The following FGD4 variants were observed in gnomAD, a reference collection of about 807,000 sequenced individuals.
The protein encoded by FGD4 is FYVE, RhoGEF and PH domain-containing protein 4.
In FGD4, 42 loss-of-function variants were observed where a neutral mutation model predicts 102.0. The ratio of observed to expected loss-of-function variants is 0.41; its 90% confidence interval spans 0.32 to 0.53. FGD4 has a LOEUF of 0.53. Among genes scored for constraint, FGD4 ranks in the 20% least tolerant of loss-of-function variants. The probability of loss-of-function intolerance (pLI) is 0.21; values close to 1 mark genes in which losing one functional copy is unlikely to be tolerated. For synonymous variants in FGD4, 380 were observed against 375.7 expected (o/e 1.01, Z -0.13); for missense variants, 902 against 1,078.2 (o/e 0.84, Z 2.29).
At chr12:32,437,722 T>C (rs1591899965) in intron 1 of FGD4, among the ~76,000 whole-genome samples, 1 of 135,104 alleles carries the variant, frequency 7.4e-6, no homozygotes, top group African/African-American at 3.9e-5. Context: ...AAAAGCAAAA[T>C]TTTTTCTAGA....
At chr12:32,586,044 T>C (rs1947005079) in intron 4 of FGD4, among the ~76,000 whole-genome samples, 1 of 151,864 alleles carries the variant, frequency 6.6e-6, no homozygotes. Context: ...AGATGCTGCA[T>C]TTGGAGGAAT....
intron 1 of FGD4, among the ~76,000 whole-genome samples, chr12:32,541,395 T>G (rs1942816691): frequency 6.6e-6 from 1 of 152,136 alleles, no homozygotes; most frequent in Non-Finnish European, 1.5e-5. Flanking sequence ...TGAGACAGAG[T>G]CTCACTCTGT....
At chr12:32,638,267 A>G (rs570739901) in intron 15 of FGD4, among the ~76,000 whole-genome samples, 14 of 152,346 alleles carry the variant, frequency 9.2e-5, no homozygotes, top group African/African-American at 3.4e-4. Flanking sequence ...CAGACTCTGG[A>G]TTCAGACTCT....
chr12:32,413,087 T>A (rs902334895), intron 1 of FGD4, among the ~76,000 whole-genome samples: 7 of 150,690 alleles, frequency 4.6e-5, no homozygotes, highest in Non-Finnish European at 8.9e-5. Context: ...CAAAAAAAAA[T>A]TTTTTTTAAA....
intron 10 of FGD4, among the ~76,000 whole-genome samples, chr12:32,613,142 A>G (rs1201193117): frequency 6.6e-6 from 1 of 152,232 alleles, no homozygotes; most frequent in South Asian, 2.1e-4. Context: ...ACTGGCATAC[A>G]GTACGTTCTT....
chr12:32,509,426 G>A (rs1034578178), intron 1 of FGD4, among the ~76,000 whole-genome samples: 1 of 151,484 alleles, frequency 6.6e-6, no homozygotes, highest in African/African-American at 2.4e-5. Flanking sequence ...GAACATAAAT[G>A]GTTCAAAAAG....
At position 32,530,941 on chromosome 12, in the gene FGD4, GTTTTTTTTTTTT is replaced by G. The variant is rs768536136; in HGVS notation, c.167-33178_167-33167del. Among the ~76,000 whole-genome samples the G allele has an allele frequency of 1.4e-4, 10 of 70,478 alleles. 1 individual carries two copies. The highest frequency in any genetic ancestry group is 5.7e-4 in the South Asian group (1 of 1,752). 46.2% of individuals were successfully genotyped at this position (70,478 alleles called of 152,430 possible). A position where few individuals can be genotyped will look rare whatever the true frequency, so the allele number is the denominator to read the frequency against. On this transcript the variant is annotated intron_variant, in intron 1 of 16. Coordinates refer to ENST00000534526, the MANE Select transcript of FGD4 (RefSeq NM_001370298.3). ...TATGACAATCAGTTTCCTAGCTTTGGTTTTTTTTTTTTTTTTTTTTTTTTTTTTTGAGACAGA... is the reference window on the plus strand; with the variant it reads ...TATGACAATCAGTTTCCTAGCTTTGGTTTTTTTTTTTTTTTTTGAGACAGA...
At chr12:32,471,279 G>C (rs1293006501) in intron 1 of FGD4, among the ~76,000 whole-genome samples, 2 of 152,070 alleles carry the variant, frequency 1.3e-5, no homozygotes, top group African/African-American at 4.8e-5. Flanking sequence ...GCCAGTTATG[G>C]GACTTCTGGG....
intron 15 of FGD4, among the ~76,000 whole-genome samples, chr12:32,636,751 T>C (rs1170051492): frequency 6.6e-6 from 1 of 152,022 alleles, no homozygotes; most frequent in East Asian, 1.9e-4. Flanking sequence ...TAACACTGAG[T>C]AGCACTACCT....
chr12:32,429,924 G>A (rs2651374), intron 1 of FGD4, among the ~76,000 whole-genome samples: 80,478 of 151,586 alleles, frequency 0.53, 22,333 homozygotes, highest in African/African-American at 0.7. Context: ...TTGTTGAAAC[G>A]AGTCCTGCCA....
At chr12:32,438,345 A>G (rs1942302865) in intron 1 of FGD4, among the ~76,000 whole-genome samples, 1 of 152,240 alleles carries the variant, frequency 6.6e-6, no homozygotes, top group Non-Finnish European at 1.5e-5. Context: ...CATCAGCTGA[A>G]GATGACAAAG....
intron 1 of FGD4, among the ~76,000 whole-genome samples, chr12:32,537,889 T>G (rs1942439042): frequency 6.6e-6 from 1 of 152,106 alleles, no homozygotes; most frequent in Non-Finnish European, 1.5e-5. Flanking sequence ...ATAGCAGTTT[T>G]TTTGTTTGTT....
chr12:32,412,741 C>G (rs1285541032), intron 1 of FGD4, among the ~76,000 whole-genome samples: 1 of 151,920 alleles, frequency 6.6e-6, no homozygotes, highest in Non-Finnish European at 1.5e-5. Context: ...CCACCACACC[C>G]ATCTAATTTT....
At chr12:32,566,388 C>G (rs1945189840) in intron 2 of FGD4, among the ~76,000 whole-genome samples, 1 of 152,106 alleles carries the variant, frequency 6.6e-6, no homozygotes, top group African/African-American at 2.4e-5. Flanking sequence ...ACACTCAGAC[C>G]ACAGCACTCC....
intron 1 of FGD4, among the ~76,000 whole-genome samples, chr12:32,508,529 CA>C (rs1565786252): frequency 6.6e-6 from 1 of 152,172 alleles, no homozygotes; most frequent in Non-Finnish European, 1.5e-5. Flanking sequence ...GCACAGAAAG[CA>C]AAACTTGGAT....
chr12:32,410,006 CAAAAA>C (rs35504493), intron 1 of FGD4, among the ~76,000 whole-genome samples: 1 of 108,910 alleles, frequency 9.2e-6, no homozygotes. Context: ...TCTTGTCTCT[CAAAAA>C]AAAAAAAAAA....
intron 7 of FGD4, among the ~76,000 whole-genome samples, chr12:32,607,709 T>TCTGCCATG (rs1948871915): frequency 6.6e-6 from 1 of 152,176 alleles, no homozygotes; most frequent in Non-Finnish European, 1.5e-5. Flanking sequence ...GAGGCGGGGT[T>TCTGCCATG]TTGCCATGTT....
intron 11 of FGD4, 128 bp from the exon 12 acceptor site, chr12:32,624,294 T>C: frequency 1.4e-6 from 1 of 722,314 alleles, no homozygotes; most frequent in South Asian, 1.8e-5. Context: ...GATTAATTTT[T>C]GTTATAATTC....
chr12:32,477,608 A>C (rs1018492143), intron 1 of FGD4: 1 of 152,240 alleles, frequency 6.6e-6, no homozygotes, highest in Non-Finnish European at 1.5e-5. Flanking sequence ...GAATGTGTTT[A>C]TACATCTTGA....
Sources: gnomAD v4.1 joint callset for allele counts (sites outside exome capture counted in the v4.1 genomes callset) on GRCh38, gnomAD v4.1.1 for gene constraint, MANE v1.5 for transcripts, NCBI Gene and HGNC (gene_info 2026-07-23, HGNC 2026-07-21) for gene names.